The following GRID1 variants were observed in gnomAD, a reference collection of about 807,000 sequenced individuals.
GRID1 encodes the protein glutamate ionotropic receptor delta type subunit 1, also known as glutamate receptor ionotropic, delta-1.
A neutral mutation model predicts 98.0 loss-of-function variants in GRID1; 28 were observed. The observed-to-expected ratio is 0.29, with a 90% confidence interval of 0.21 to 0.39. The LOEUF is 0.39. Among genes scored for constraint, GRID1 ranks in the 10% least tolerant of loss-of-function variants. The probability of loss-of-function intolerance (pLI) is 1.00; values close to 1 mark genes in which losing one functional copy is unlikely to be tolerated. For missense variants in GRID1, 1,111 were observed against 1,340.5 expected (o/e 0.83, Z 2.67); for synonymous variants, 553 against 538.5 (o/e 1.03, Z -0.37).
intron 3 of GRID1, among the ~76,000 whole-genome samples, chr10:86,170,550 G>A (rs1004100137): frequency 1.3e-5 from 2 of 152,202 alleles, no homozygotes; most frequent in African/African-American, 4.8e-5. Context: ...CCCATCTTTA[G>A]GAGGGTCCCC....
intron 12 of GRID1, among the ~76,000 whole-genome samples, chr10:85,713,965 T>C (rs1256632458): frequency 1.3e-5 from 2 of 151,952 alleles, no homozygotes; most frequent in African/African-American, 4.8e-5. Context: ...ACTCTCACCA[T>C]ATCTATTCAA....
intron 12 of GRID1, among the ~76,000 whole-genome samples, chr10:85,675,272 A>G (rs1481506941): frequency 6.6e-6 from 1 of 152,190 alleles, no homozygotes; most frequent in Non-Finnish European, 1.5e-5. Flanking sequence ...TAGGGCTAGC[A>G]ATGAACTCTG....
intron 2 of GRID1, among the ~76,000 whole-genome samples, chr10:86,299,834 C>T (rs986316798): frequency 1.3e-5 from 2 of 152,082 alleles, no homozygotes; most frequent in African/African-American, 2.4e-5. Flanking sequence ...GACAGACCCA[C>T]GTGCTGGAGT....
intron 8 of GRID1, among the ~76,000 whole-genome samples, chr10:85,844,103 A>T (rs1380062472): frequency 6.6e-6 from 1 of 152,142 alleles, no homozygotes; most frequent in East Asian, 1.9e-4. Context: ...CTCTTGACAC[A>T]TGCAACAACT....
intron 8 of GRID1, among the ~76,000 whole-genome samples, chr10:85,846,707 G>C (rs1259977643): frequency 1.3e-5 from 2 of 152,106 alleles, no homozygotes; most frequent in Non-Finnish European, 2.9e-5. Flanking sequence ...TAGGAATGAA[G>C]AGGGAGATAT....
chr10:86,001,422 G>C (rs1842801134), intron 4 of GRID1, among the ~76,000 whole-genome samples: 1 of 152,178 alleles, frequency 6.6e-6, no homozygotes, highest in Non-Finnish European at 1.5e-5. Context: ...ATAAGACATT[G>C]AAAGGGCAGA....
At chr10:86,278,872 AG>A (rs1424696127) in intron 2 of GRID1, among the ~76,000 whole-genome samples, 1 of 152,242 alleles carries the variant, frequency 6.6e-6, no homozygotes, top group African/African-American at 2.4e-5. Context: ...AATTCTACAT[AG>A]CTTCTCCAGA....
At chr10:85,941,095 T>G (rs76676142) in intron 4 of GRID1, among the ~76,000 whole-genome samples, 8,271 of 152,304 alleles carry the variant, frequency 0.054, 269 homozygotes, top group Middle Eastern at 0.11. Flanking sequence ...GTGTATTCAT[T>G]TATTCTTCCC....
intron 4 of GRID1, among the ~76,000 whole-genome samples, chr10:86,014,171 C>T (rs1842952916): frequency 6.6e-6 from 1 of 152,210 alleles, no homozygotes; most frequent in Non-Finnish European, 1.5e-5. Context: ...AACATGACTC[C>T]ACTGAGTGAG....
chr10:85,795,935 G>A (rs1378195594), intron 8 of GRID1, among the ~76,000 whole-genome samples: 6 of 152,182 alleles, frequency 3.9e-5, no homozygotes, highest in African/African-American at 1.4e-4. Flanking sequence ...GTCACAGGAA[G>A]AGACAGAAAA....
intron 2 of GRID1, among the ~76,000 whole-genome samples, chr10:86,299,489 C>G (rs1043755562): frequency 6.6e-6 from 1 of 151,544 alleles, no homozygotes; most frequent in South Asian, 2.1e-4. Context: ...CCCCCTCGCC[C>G]CCCTCCCCAC....
chr10:86,092,073 CT>C (rs1006860430), intron 4 of GRID1, among the ~76,000 whole-genome samples: 1 of 152,128 alleles, frequency 6.6e-6, no homozygotes, highest in African/African-American at 2.4e-5. Flanking sequence ...CAAAACAAGG[CT>C]CTTCAACACC....
chr10:85,729,766 A>G (rs969895982), intron 8 of GRID1, 152 bp from the exon 9 acceptor site: 19 of 574,630 alleles, frequency 3.3e-5, no homozygotes, highest in Non-Finnish European at 5.3e-5. Context: ...TTAAAACCCT[A>G]AAGAGAATAG....
At chr10:86,137,312 A>C (rs1450226878) in intron 4 of GRID1, among the ~76,000 whole-genome samples, 2 of 152,252 alleles carry the variant, frequency 1.3e-5, no homozygotes, top group Non-Finnish European at 2.9e-5. Context: ...AACAGAGGCT[A>C]AGACGGTGAT....
intron 4 of GRID1, among the ~76,000 whole-genome samples, chr10:86,100,850 C>G (rs1844286175): frequency 6.6e-6 from 1 of 152,170 alleles, no homozygotes; most frequent in African/African-American, 2.4e-5. Flanking sequence ...TGCCGAGATG[C>G]TGGCAAACAG....
At chr10:85,847,222 T>A (rs1227860705) in intron 8 of GRID1, among the ~76,000 whole-genome samples, 1 of 152,220 alleles carries the variant, frequency 6.6e-6, no homozygotes, top group Non-Finnish European at 1.5e-5. Context: ...GCTATCTTTC[T>A]GGGTATGACA....
intron 8 of GRID1, among the ~76,000 whole-genome samples, chr10:85,799,340 A>G (rs1792755008): frequency 6.6e-6 from 1 of 152,132 alleles, no homozygotes; most frequent in African/African-American, 2.4e-5. Context: ...TTGTAGCTCC[A>G]TACAAAGTTT....
intron 4 of GRID1, among the ~76,000 whole-genome samples, chr10:86,104,611 C>T (rs750050858): frequency 7.9e-5 from 12 of 152,208 alleles, no homozygotes; most frequent in Admixed American, 5.9e-4. Flanking sequence ...CCATGCCATA[C>T]ATCAGGGGCA....
intron 12 of GRID1, among the ~76,000 whole-genome samples, chr10:85,648,775 C>T (rs531044112): frequency 6.6e-6 from 1 of 152,338 alleles, no homozygotes; most frequent in South Asian, 2.1e-4. Flanking sequence ...TGCCTCTTTC[C>T]TTGGGGAGCC....
Sources: gnomAD v4.1 joint callset for allele counts (sites outside exome capture counted in the v4.1 genomes callset) on GRCh38, gnomAD v4.1.1 for gene constraint, MANE v1.5 for transcripts, NCBI Gene and HGNC (gene_info 2026-07-23, HGNC 2026-07-21) for gene names.